The following EXOSC4 variants were observed in gnomAD, a reference collection of about 807,000 sequenced individuals.
The protein encoded by EXOSC4 is exosome complex component RRP41.
EXOSC4 carries 14 observed loss-of-function variants against 20.0 expected under a neutral mutation model. The observed-to-expected ratio is 0.70, with a 90% CI of 0.46 to 1.09. EXOSC4 has a LOEUF of 1.09. EXOSC4 is among the 50% of genes least tolerant of loss of function. The pLI is 0.00. For synonymous variants in EXOSC4, 148 were observed against 146.4 expected (o/e 1.01, Z -0.08); for missense variants, 337 against 334.0 (o/e 1.01, Z -0.07).
At chr8:144,072,506 G>C in the EXOSC4 span, among the ~76,000 whole-genome samples, 7 of 152,016 alleles carry the variant, frequency 4.6e-5, no homozygotes, top group Non-Finnish European at 1.0e-4. Flanking sequence ...CTATCTACCT[G>C]TATGTTTACC....
chr8:144,078,720 C>T lies in EXOSC4; in HGVS notation c.-9C>T. On this transcript the variant is annotated 5_prime_UTR_variant, in exon 1 of 3. Transcript: ENST00000316052. The surrounding 1 kb of genome is among the most constrained non-coding windows in gnomAD (Gnocchi z 4.7). The stretch of plus-strand genomic sequence containing the variant: ...AGTAGGCAGAGAGCGGACCTGGCGG[C>T]CGGGCAGCATGGCGGGGCTGGAGCT... 3 of 1,445,162 alleles carry T rather than the reference C, an allele frequency of 2.1e-6. No homozygotes were observed. The highest frequency in any genetic ancestry group is 1.4e-5 in the South Asian group (1 of 69,470). 89.5% of individuals were successfully genotyped at this position (1,445,162 alleles called of 1,614,324 possible).
chr8:144,079,168 C>T (rs1386253182), intron 1 of EXOSC4: 4 of 366,350 alleles, frequency 1.1e-5, no homozygotes, highest in Non-Finnish European at 1.5e-5. Context: ...GCTCCCTCTC[C>T]TTTCAGCTCT....
At position 144,079,984 on chromosome 8, in the gene EXOSC4, A is replaced by T. The variant is rs2129925282; in HGVS notation, c.213A>T (p.Leu71=). Residue 71 remains leucine (L), a synonymous_variant, in exon 2 of 3, where the codon CTA becomes CTT. Coordinates refer to ENST00000316052, the MANE Select transcript of EXOSC4 (RefSeq NM_019037.3). ...CTCGAGCCCTGCCGGACAGGGCCCT[A>T]GTGAACTGTCAATATAGTTCAGCGA... ...SRARALPDRA[L]VNCQYSSATF... 6.2e-7 allele frequency: 1 copy of T among 1,614,058 alleles called. No individual in the cohort carries two copies. The highest frequency in any genetic ancestry group is 2.2e-5 in the East Asian group (1 of 44,886).
In EXOSC4 at chr8:144,080,276, G is replaced by C. The variant is rs201727380; in HGVS notation, c.413G>C (p.Cys138Ser). The stretch of plus-strand genomic sequence containing the variant: ...GCAGATGGTGGGACCTATGCAGCTT[G>C]TGTGAATGCAGCCACGCTGGCAGTG... ...LQADGGTYAA[C>S]VNAATLAVLD... is the part of the protein sequence containing the mutation. Residue 138 changes from cysteine (C) to serine (S), a missense_variant, in exon 3 of 3, where the codon TGT becomes TCT. Cys to Ser is a moderately radical substitution (Grantham distance 112). Coordinates refer to ENST00000316052, the MANE Select transcript of EXOSC4 (RefSeq NM_019037.3). This position sits in a 1 kb window ranked among gnomAD's most constrained non-coding sequence, Gnocchi z 4.9. 1.5e-5 allele frequency: 24 copies of C among 1,613,904 alleles called. No homozygotes were observed. The highest frequency in any genetic ancestry group is 3.3e-5 in the Admixed American group (2 of 60,026).
At chr8:144,066,598 T>C in the EXOSC4 span, among the ~76,000 whole-genome samples, 2 of 151,704 alleles carry the variant, frequency 1.3e-5, no homozygotes, top group East Asian at 4.0e-4. Context: ...TGTGCCACCA[T>C]GCCTGGCTAA....
chr8:144,064,199 G>A, the EXOSC4 span, among the ~76,000 whole-genome samples: 2 of 152,250 alleles, frequency 1.3e-5, no homozygotes, highest in African/African-American at 4.8e-5. Context: ...CCTCCTAGAA[G>A]ATGGAAGCTT....
the EXOSC4 span, among the ~76,000 whole-genome samples, chr8:144,068,603 T>C: frequency 6.6e-6 from 1 of 152,136 alleles, no homozygotes; most frequent in Non-Finnish European, 1.5e-5. Flanking sequence ...CCCTCTCACT[T>C]TGGAAATTGA....
upstream of EXOSC4, among the ~76,000 whole-genome samples, chr8:144,076,244 G>C (rs1455754952): frequency 6.6e-6 from 1 of 152,200 alleles, no homozygotes; most frequent in Non-Finnish European, 1.5e-5. Flanking sequence ...AGTCCACCAG[G>C]AGAGGACGTG....
At chr8:144,064,258 T>C in the EXOSC4 span, among the ~76,000 whole-genome samples, 1 of 152,216 alleles carries the variant, frequency 6.6e-6, no homozygotes, top group African/African-American at 2.4e-5. Context: ...GGATATGGGA[T>C]GCAGGCTTCC....
Position 144,080,332 on chromosome 8 carries a change from G to T in EXOSC4, c.469G>T (p.Val157Leu). The change falls in exon 3 of 3, where the codon GTG becomes TTG. Residue 157 changes from valine (V) to leucine (L), a missense_variant. Val to Leu is a conservative substitution (Grantham distance 32). Transcript: ENST00000316052. The surrounding 1 kb of genome is among the most constrained non-coding windows in gnomAD (Gnocchi z 4.9). ...TGCCGGGATACCCATGAGAGACTTT[G>T]TGTGTGCGTGCTCAGCTGGCTTCGT... is the stretch of plus-strand genomic sequence containing the variant. ...LDAGIPMRDF[V>L]CACSAGFVDG... 1 of 1,613,608 alleles carries T rather than the reference G, an allele frequency of 6.2e-7. No individual in the cohort carries two copies.
chr8:144,071,798 G>A, the EXOSC4 span, among the ~76,000 whole-genome samples: 163 of 152,002 alleles, frequency 1.1e-3, no homozygotes, highest in Non-Finnish European at 1.9e-3. Context: ...GCAACATAGC[G>A]AGATCACAGC....
chr8:144,065,977 GT>G, the EXOSC4 span, among the ~76,000 whole-genome samples: 2 of 139,344 alleles, frequency 1.4e-5, no homozygotes, highest in East Asian at 2.1e-4. Context: ...TGCCTGGCTA[GT>G]TTTTTTGTTT....
the EXOSC4 span, among the ~76,000 whole-genome samples, chr8:144,070,520 T>G: frequency 9.9e-5 from 10 of 100,584 alleles, no homozygotes; most frequent in South Asian, 3.1e-3. Flanking sequence ...CAAAACTCCA[T>G]CTCAAAAAAA....
At chr8:144,068,228 G>A in the EXOSC4 span, among the ~76,000 whole-genome samples, 3 of 152,036 alleles carry the variant, frequency 2.0e-5, no homozygotes, top group African/African-American at 7.3e-5. Flanking sequence ...TGTATATTTG[G>A]CCACTCCCTT....
rs782502364 is a variant in EXOSC4 at position 144,080,028 on chromosome 8, G to A, written c.257G>A (p.Arg86His). The change falls in exon 2 of 3, where the codon CGC becomes CAC. Residue 86 changes from arginine (R) to histidine (H), a missense_variant. Arg to His is a conservative substitution (Grantham distance 29, BLOSUM62 0). Coordinates refer to ENST00000316052, the MANE Select transcript of EXOSC4 (RefSeq NM_019037.3). This position sits in a 1 kb window ranked among gnomAD's most constrained non-coding sequence, Gnocchi z 4.9. ...TCAGCGACCTTCAGCACAGGTGAGC[G>A]CAAGCGACGGCCACATGGGGACCGT... ...YSSATFSTGE[R>H]KRRPHGDRKS... The A allele has an allele frequency of 2.2e-5, 36 of 1,613,998 alleles. No individual in the cohort carries two copies. Among genetic ancestry groups the A allele is most frequent in the East Asian group, 4.5e-5 (2 of 44,902 alleles).
At chr8:144,071,198 TCCTCCCCTCC>T in the EXOSC4 span, among the ~76,000 whole-genome samples, 1 of 5,924 alleles carries the variant, frequency 1.7e-4, no homozygotes, top group Non-Finnish European at 2.9e-4. Context: ...CCTTCCCCTC[TCCTCCCCTCC>T]CCTCTCCCCT....
the EXOSC4 span, among the ~76,000 whole-genome samples, chr8:144,064,328 C>T: frequency 7.9e-5 from 12 of 152,252 alleles, no homozygotes; most frequent in Non-Finnish European, 1.3e-4. Context: ...CTGGCCATGC[C>T]AGGACATAGT....
upstream of EXOSC4, among the ~76,000 whole-genome samples, chr8:144,076,836 C>A (rs1554762811): frequency 1.3e-5 from 2 of 152,144 alleles, no homozygotes; most frequent in African/African-American, 4.8e-5. Context: ...GAGGCCGAGG[C>A]AGGTGGATCA....
At chr8:144,067,660 A>G in the EXOSC4 span, among the ~76,000 whole-genome samples, 1 of 152,242 alleles carries the variant, frequency 6.6e-6, no homozygotes, top group African/African-American at 2.4e-5. Flanking sequence ...ATATTTAGGA[A>G]AACCACTTTT....
Sources: allele counts gnomAD v4.1 joint callset (sites outside exome capture counted in the v4.1 genomes callset), GRCh38; gene constraint gnomAD v4.1.1; non-coding constraint Gnocchi (gnomAD v3.1); transcripts MANE v1.5; gene names NCBI Gene and HGNC (gene_info 2026-07-23, HGNC 2026-07-21).